Variants in SEC31B observed in about 807,000 individuals in gnomAD.
SEC31B encodes the protein SEC31 homolog B, COPII component.
Under a neutral mutation model 135.0 loss-of-function variants are expected in SEC31B, and 113 were observed. The observed-to-expected ratio is 0.84, with a 90% CI of 0.72 to 0.98. The LOEUF (loss-of-function observed/expected upper bound fraction) is 0.98. Ranked by LOEUF, SEC31B falls within the 50% of genes least tolerant of loss-of-function variation. SEC31B has a pLI of 0.00. For synonymous variants in SEC31B, 508 were observed against 549.4 expected (o/e 0.92, Z 1.05); for missense variants, 1,296 against 1,421.1 (o/e 0.91, Z 1.42).
chr10:100,505,896 G>A, intron 9 of SEC31B, 144 bp downstream of exon 9: 4 of 1,513,268 alleles, frequency 2.6e-6, no homozygotes, highest in Non-Finnish European at 2.6e-6. Context: ...AGGAAGATGG[G>A]CACTAGGGCA....
intron 19 of SEC31B, among the ~76,000 whole-genome samples, chr10:100,491,870 G>C (rs1851306278): frequency 6.6e-6 from 1 of 152,224 alleles, no homozygotes; most frequent in African/African-American, 2.4e-5. Context: ...TGACTTGCAG[G>C]AGTGGGTTTG....
chr10:100,519,174 T>G (rs554287045), intron 1 of SEC31B, among the ~76,000 whole-genome samples: 2 of 152,212 alleles, frequency 1.3e-5, no homozygotes, highest in Non-Finnish European at 2.9e-5. Context: ...AAGTAAACCC[T>G]AGAAAGTGTT....
chr10:100,517,131 C>A, intron 1 of SEC31B, 134 bp from the exon 2 acceptor site: 2 of 595,302 alleles, frequency 3.4e-6, no homozygotes, highest in Non-Finnish European at 6.0e-6. Context: ...TGACCATCTG[C>A]AGATCTAAAG....
chr10:100,500,247 T>C, intron 11 of SEC31B: 1 of 455,446 alleles, frequency 2.2e-6, no homozygotes, highest in Non-Finnish European at 4.4e-6. Context: ...CTGTGGTCCC[T>C]ATCCCATATC....
chr10:100,489,181 A>G, intron 23 of SEC31B, 71 bp downstream of exon 23: 1 of 1,508,478 alleles, frequency 6.6e-7, no homozygotes, highest in Admixed American at 2.4e-5. Flanking sequence ...AATGAGGCCC[A>G]TCTACCATGA....
At chr10:100,495,651 T>C in intron 18 of SEC31B, 105 bp from the exon 19 acceptor site, 1 of 1,122,428 alleles carries the variant, frequency 8.9e-7, no homozygotes, top group Non-Finnish European at 1.3e-6. Context: ...TTGTCCAACC[T>C]GTGTTATTTT....
chr10:100,495,474 G>A lies in SEC31B; in HGVS notation c.2383C>T (p.Pro795Ser), dbSNP rs1342608361. The change falls in exon 19 of 26, where the codon CCT (proline) becomes TCT (serine). Residue 795 changes from proline (P) to serine (S), a missense_variant. By Grantham distance (74) the Pro-to-Ser change is moderately conservative. Transcript: ENST00000370345. ...ACAACAATCCGGGGGAAGGGGAAAG[G>A]GGGAGACTGTTGGCCCAAGACAGCA... ...GSAVLGQQSPPFPFPRIVVGA... is the reference protein window; with the variant it reads ...GSAVLGQQSPSFPFPRIVVGA... 1.2e-6 allele frequency: 2 copies of A among 1,613,896 alleles called. No individual in the cohort carries two copies. The highest frequency in any genetic ancestry group is 1.7e-5 in the Admixed American group (1 of 60,008).
chr10:100,499,435 AG>A (rs1413677113), intron 12 of SEC31B, 88 bp downstream of exon 12: 126 of 1,188,424 alleles, frequency 1.1e-4, no homozygotes, highest in Middle Eastern at 9.9e-4. Context: ...TAATAAGGCC[AG>A]GAAGAGGTAT....
In SEC31B at chr10:100,497,255, C is replaced by T; in HGVS notation, c.2016G>A (p.Gln672=). Residue 672 remains glutamine (Q), a synonymous_variant, in exon 17 of 26, where the codon CAG becomes CAA. Transcript: ENST00000370345. ...LCDMLGTRME[Q]EGSRALTSEA... ...CGGAGGTTAGTGCCCTGCTGCCCTC[C>T]TGTTCCATGCGAGTTCCCAGCATGT... The T allele has an allele frequency of 6.2e-7, 1 of 1,614,194 alleles. No individual in the cohort carries two copies. The highest frequency in any genetic ancestry group is 8.5e-7 in the Non-Finnish European group (1 of 1,180,010).
In SEC31B at chr10:100,487,604, AGG is replaced by A; in HGVS notation, c.*10_*11del. The stretch of plus-strand genomic sequence containing the variant: ...AGCAGAAGTGGCCTCCTAGCAAGAG[AGG>A]CTGCCTGGTTTAGACCAGCAGCTTA... On this transcript the variant is annotated 3_prime_UTR_variant, in exon 26 of 26. Transcript: ENST00000370345. 6.2e-7 allele frequency: 1 copy of A among 1,608,524 alleles called. No individual in the cohort carries two copies. The highest frequency in any genetic ancestry group is 8.5e-7 in the Non-Finnish European group (1 of 1,176,834).
chr10:100,489,934 A>G, intron 21 of SEC31B, 74 bp downstream of exon 21: 1 of 1,530,556 alleles, frequency 6.5e-7, no homozygotes, highest in Non-Finnish European at 8.8e-7. Flanking sequence ...TGACTTGAGG[A>G]AAGACTCCCA....
intron 3 of SEC31B, among the ~76,000 whole-genome samples, chr10:100,511,142 A>G (rs1037985439): frequency 2.0e-5 from 3 of 152,242 alleles, no homozygotes; most frequent in Non-Finnish European, 2.9e-5. Flanking sequence ...GTTACTTCAG[A>G]GTGGCAGTTA....
chr10:100,492,972 T>C (rs1483405787), intron 19 of SEC31B, among the ~76,000 whole-genome samples: 9 of 152,204 alleles, frequency 5.9e-5, no homozygotes, highest in Admixed American at 5.2e-4. Flanking sequence ...CTGAACCTAG[T>C]AAAGATGTCA....
At chr10:100,496,536 G>A in intron 17 of SEC31B, 105 bp from the exon 18 acceptor site, 1 of 1,205,728 alleles carries the variant, frequency 8.3e-7, no homozygotes, top group Non-Finnish European at 1.2e-6. Flanking sequence ...ACAGATGAGG[G>A]CACCTGACCA....
intron 10 of SEC31B, among the ~76,000 whole-genome samples, chr10:100,503,705 G>A (rs1851570975): frequency 6.6e-6 from 1 of 151,466 alleles, no homozygotes; most frequent in Non-Finnish European, 1.5e-5. Flanking sequence ...AAAGTGCTGG[G>A]ATTACAGGAG....
intron 22 of SEC31B, 46 bp from the exon 23 acceptor site, chr10:100,489,444 A>C: frequency 6.2e-7 from 1 of 1,600,670 alleles, no homozygotes; most frequent in Non-Finnish European, 8.5e-7. Context: ...GAGAGACTCC[A>C]TGGCTCTGGT....
intron 4 of SEC31B, 63 bp downstream of exon 4, chr10:100,509,253 A>G (rs993553286): frequency 1.0e-4 from 155 of 1,540,528 alleles, no homozygotes; most frequent in Non-Finnish European, 1.3e-4. Flanking sequence ...CCACAAATGA[A>G]TGCTTCCACT....
chr10:100,513,801 C>T (rs1851777111), intron 3 of SEC31B, among the ~76,000 whole-genome samples: 1 of 152,046 alleles, frequency 6.6e-6, no homozygotes. Context: ...ATCACTCATT[C>T]ATATAACAAA....
Position 100,507,422 on chromosome 10 carries a change from T to A in SEC31B, c.782+3A>T. The A allele has an allele frequency of 1.2e-6, 2 of 1,614,184 alleles. No homozygotes were observed. The highest frequency in any genetic ancestry group is 1.7e-5 in the Admixed American group (1 of 60,026). ...AGGATATGGATGACGTCTGAGATGC[T>A]ACCTGCTGTGGCTCTCCAGCACCTT... is the stretch of plus-strand genomic sequence containing the variant. On this transcript the variant is annotated splice_donor_region_variant and intron_variant, in intron 7 of 25. Coordinates refer to ENST00000370345, the MANE Select transcript of SEC31B (RefSeq NM_015490.4).
Sources: allele counts gnomAD v4.1 joint callset (sites outside exome capture counted in the v4.1 genomes callset), GRCh38; gene constraint gnomAD v4.1.1; transcripts MANE v1.5; gene names NCBI Gene and HGNC (gene_info 2026-07-23, HGNC 2026-07-21).